PAX7: variants seen among roughly 807,000 people sequenced by gnomAD.
PAX7 encodes the protein paired box 7, also known as paired box protein Pax-7.
In PAX7, 18 loss-of-function variants were observed where a neutral mutation model predicts 50.7. The observed-to-expected ratio is 0.36, with a 90% confidence interval of 0.25 to 0.53. The LOEUF is 0.53. Among genes scored for constraint, PAX7 ranks in the 20% least tolerant of loss-of-function variants. The probability of loss-of-function intolerance (pLI) is 0.93; values close to 1 mark genes in which losing one functional copy is unlikely to be tolerated. For missense variants in PAX7, 644 were observed against 702.9 expected (o/e 0.92, Z 0.95); for synonymous variants, 310 against 290.4 (o/e 1.07, Z -0.69).
intron 8 of PAX7, among the ~76,000 whole-genome samples, chr1:18,742,646 G>T (rs1468782929): frequency 6.6e-6 from 1 of 152,168 alleles, no homozygotes. Context: ...TCTACCAACT[G>T]GGAGCCTGGA....
At chr1:18,657,704 CT>C (rs1210794936) in intron 4 of PAX7, among the ~76,000 whole-genome samples, 1 of 152,164 alleles carries the variant, frequency 6.6e-6, no homozygotes, top group Non-Finnish European at 1.5e-5. Flanking sequence ...GGATCTGCGA[CT>C]GCAGTGGTGG....
At chr1:18,727,219 C>A (rs147681268) in intron 7 of PAX7, among the ~76,000 whole-genome samples, 4 of 152,036 alleles carry the variant, frequency 2.6e-5, no homozygotes, top group African/African-American at 9.7e-5. Context: ...ACACAATGCT[C>A]ACACATCACA....
chr1:18,699,649 C>T (rs1217927283), intron 5 of PAX7, among the ~76,000 whole-genome samples: 1 of 151,910 alleles, frequency 6.6e-6, no homozygotes, highest in Non-Finnish European at 1.5e-5. Flanking sequence ...CAAGCTCTGC[C>T]TCCCGGGTTC....
intron 4 of PAX7, among the ~76,000 whole-genome samples, chr1:18,681,905 A>G (rs1172210719): frequency 1.3e-5 from 2 of 151,772 alleles, no homozygotes; most frequent in Non-Finnish European, 2.9e-5. Flanking sequence ...ATGTCTGGCT[A>G]ATTTTGTATT....
At chr1:18,680,497 T>C (rs1222910378) in intron 4 of PAX7, among the ~76,000 whole-genome samples, 1 of 152,090 alleles carries the variant, frequency 6.6e-6, no homozygotes, top group Non-Finnish European at 1.5e-5. Context: ...CTCCTTTCTG[T>C]CTCCCATCAC....
chr1:18,705,789 C>A (rs2089275727), intron 7 of PAX7, among the ~76,000 whole-genome samples: 1 of 152,190 alleles, frequency 6.6e-6, no homozygotes. Flanking sequence ...CCCAGCCCTC[C>A]ACCCAGCCCA....
At chr1:18,706,968 G>T (rs2089292173) in intron 7 of PAX7, among the ~76,000 whole-genome samples, 1 of 152,200 alleles carries the variant, frequency 6.6e-6, no homozygotes, top group Non-Finnish European at 1.5e-5. Flanking sequence ...AACCCAGCCT[G>T]GGAAGTGGGG....
intron 4 of PAX7, among the ~76,000 whole-genome samples, chr1:18,672,812 G>T (rs1313691167): frequency 1.3e-5 from 2 of 151,916 alleles, no homozygotes; most frequent in African/African-American, 4.8e-5. Context: ...TCATCAGGTT[G>T]GCCAGGCTAG....
chr1:18,717,473 C>G (rs530432514), intron 7 of PAX7, among the ~76,000 whole-genome samples: 1 of 152,218 alleles, frequency 6.6e-6, no homozygotes, highest in Non-Finnish European at 1.5e-5. Flanking sequence ...CTTGCCCCTC[C>G]TCTCCTCGCT....
chr1:18,682,886 GC>G (rs2088919578), intron 4 of PAX7, among the ~76,000 whole-genome samples: 1 of 152,174 alleles, frequency 6.6e-6, no homozygotes, highest in African/African-American at 2.4e-5. Context: ...AATATGCAGA[GC>G]CCCCTCCCTG....
At chr1:18,669,109 G>T (rs1302661012) in intron 4 of PAX7, among the ~76,000 whole-genome samples, 1 of 152,182 alleles carries the variant, frequency 6.6e-6, no homozygotes, top group Non-Finnish European at 1.5e-5. Flanking sequence ...GGGGGCCAAG[G>T]GACAGGGGTC....
intron 7 of PAX7, among the ~76,000 whole-genome samples, chr1:18,708,267 A>G (rs1036216140): frequency 6.6e-6 from 1 of 152,106 alleles, no homozygotes; most frequent in Non-Finnish European, 1.5e-5. Flanking sequence ...TAAGAAAACA[A>G]CTTAGAGGTG....
Position 18,631,502 on chromosome 1 carries a change from G to T in PAX7, c.-102G>T. 2.0e-6 allele frequency: 2 copies of T among 984,820 alleles called. No individual in the cohort carries two copies. Among genetic ancestry groups the T allele is most frequent in the Middle Eastern group, 2.1e-4 (1 of 4,792 alleles). The allele number at this position is 984,820 out of a possible 1,614,324, so 61.0% of individuals were successfully genotyped here. A position where few individuals can be genotyped will look rare whatever the true frequency, so the allele number is the denominator to read the frequency against. On this transcript the variant is annotated 5_prime_UTR_variant, in exon 1 of 9. Transcript: ENST00000420770. The stretch of plus-strand genomic sequence containing the variant: ...GGGAGGGAGAAGAGGTTAAAAAAAA[G>T]AAGACGAAGAAGACGGAAAGAAAGA...
At chr1:18,739,357 C>T (rs1930998788) in intron 8 of PAX7, among the ~76,000 whole-genome samples, 2 of 152,208 alleles carry the variant, frequency 1.3e-5, no homozygotes, top group Admixed American at 1.3e-4. Context: ...TATGGATAGA[C>T]ACACACGCAG....
At chr1:18,732,703 T>C (rs565590109) in intron 7 of PAX7, among the ~76,000 whole-genome samples, 1 of 152,260 alleles carries the variant, frequency 6.6e-6, no homozygotes, top group East Asian at 1.9e-4. Context: ...AATTCTTGAG[T>C]GATACTGTCA....
chr1:18,723,991 A>G (rs2089524710), intron 7 of PAX7, among the ~76,000 whole-genome samples: 1 of 152,130 alleles, frequency 6.6e-6, no homozygotes, highest in East Asian at 1.9e-4. Flanking sequence ...AACGCTGTCA[A>G]GAGCAATTTG....
At chr1:18,635,843 T>G (rs751469056) in intron 3 of PAX7, among the ~76,000 whole-genome samples, 1 of 151,966 alleles carries the variant, frequency 6.6e-6, no homozygotes, top group African/African-American at 2.4e-5. Context: ...TGTGTACATG[T>G]GCATTCAGGC....
At chr1:18,715,200 C>G (rs1461676317) in intron 7 of PAX7, among the ~76,000 whole-genome samples, 2 of 144,380 alleles carry the variant, frequency 1.4e-5, no homozygotes, top group Non-Finnish European at 2.9e-5. Flanking sequence ...CTCAAGCCCA[C>G]CCGTACTTCT....
At chr1:18,686,899 A>T (rs2789320) in intron 4 of PAX7, among the ~76,000 whole-genome samples, 86,126 of 148,900 alleles carry the variant, frequency 0.58, 25,587 homozygotes, top group Non-Finnish European at 0.6. Flanking sequence ...TATTATTATT[A>T]TTATTTTTTG....
Sources: allele counts gnomAD v4.1 joint callset (sites outside exome capture counted in the v4.1 genomes callset), GRCh38; gene constraint gnomAD v4.1.1; transcripts MANE v1.5; gene names NCBI Gene and HGNC (gene_info 2026-07-23, HGNC 2026-07-21).